The following ZFYVE28 variants were observed in gnomAD, a reference collection of about 807,000 sequenced individuals.
ZFYVE28 encodes the protein lateral signaling target protein 2 homolog.
A neutral mutation model predicts 82.1 loss-of-function variants in ZFYVE28; 40 were observed. The ratio of observed to expected loss-of-function variants is 0.49; its 90% CI spans 0.38 to 0.63. ZFYVE28 has a LOEUF of 0.63. Among genes scored for constraint, ZFYVE28 ranks in the 30% least tolerant of loss-of-function variants. The pLI is 0.00. For synonymous variants in ZFYVE28, 612 were observed against 546.1 expected (o/e 1.12, Z -1.68); for missense variants, 1,321 against 1,242.1 (o/e 1.06, Z -0.96).
rs1722350735 is a variant in ZFYVE28, at chr4:2,339,208, G to C, written c.521+245C>G. Among the ~76,000 whole-genome samples the C allele has an allele frequency of 6.6e-6, 1 of 152,076 alleles. No individual in the cohort carries two copies. The highest frequency in any genetic ancestry group is 2.1e-4 in the South Asian group (1 of 4,824). On this transcript the variant is annotated intron_variant, in intron 4 of 12. Coordinates refer to ENST00000290974, the MANE Select transcript of ZFYVE28 (RefSeq NM_020972.3). This position sits in a 1 kb window ranked among gnomAD's most constrained non-coding sequence, Gnocchi z 5.0. ...GGGCCTCTCCAAAGCCCTTCCCCTG[G>C]AGGCCCACGGCGGCCAGATCCACAC...
At chr4:2,273,378 A>G in intron 9 of ZFYVE28, 89 bp from the exon 10 acceptor site, 1 of 1,121,328 alleles carries the variant, frequency 8.9e-7, no homozygotes. Context: ...AGACCCAGCC[A>G]GAGCTCACAG....
rs529514997 is a variant in ZFYVE28 at position 2,297,851 on chromosome 4, C to T, written c.2051+6438G>A. On this transcript the variant is annotated intron_variant, in intron 8 of 12. Transcript: ENST00000290974. ...GTGACACGGTGACACAGTGACACGG[C>T]GGGCTGTGCTGGGAGGAACGGCAGA... Among the ~76,000 whole-genome samples the T allele has an allele frequency of 1.5e-3, 202 of 133,392 alleles. 1 individual carries two copies. The highest frequency in any genetic ancestry group is 5.6e-3 in the African/African-American group (191 of 34,082). 87.5% of individuals were successfully genotyped at this position (133,392 alleles called of 152,430 possible).
At chr4:2,402,845 A>ACCCATCCCTGCAGGGCCAAGCCTGC (rs1252124308) in intron 1 of ZFYVE28, among the ~76,000 whole-genome samples, 3 of 152,036 alleles carry the variant, frequency 2.0e-5, no homozygotes, top group Non-Finnish European at 2.9e-5. Context: ...GGCAGCACTG[A>ACCCATCCCTGCAGGGCCAAGCCTGC]CCCATCCCTG....
chr4:2,394,045 C>T lies in ZFYVE28; in HGVS notation c.39+24240G>A, dbSNP rs184084423. On this transcript the variant is annotated intron_variant, in intron 1 of 12. Coordinates refer to ENST00000290974, the MANE Select transcript of ZFYVE28 (RefSeq NM_020972.3). This position sits in a 1 kb window ranked among gnomAD's most constrained non-coding sequence, Gnocchi z 4.0. ...TTTTCCAGCTTGCACAGCTACTTCC[C>T]GACGCACGGCCGCCTCCCGGACCTT... 2.8e-4 allele frequency among the ~76,000 whole-genome samples: 43 copies of T among 152,254 alleles called. No individual in the cohort carries two copies. The highest frequency in any genetic ancestry group is 9.4e-4 in the African/African-American group (39 of 41,546).
chr4:2,387,567 G>A (rs553124851), intron 1 of ZFYVE28, among the ~76,000 whole-genome samples: 62 of 152,350 alleles, frequency 4.1e-4, no homozygotes, highest in African/African-American at 1.4e-3. Flanking sequence ...GAGCACAGAG[G>A]AGGCCTGGGC....
intron 5 of ZFYVE28, among the ~76,000 whole-genome samples, chr4:2,336,562 GC>G (rs60047777): frequency 0.34 from 52,169 of 151,460 alleles, 9,831 homozygotes; most frequent in Non-Finnish European, 0.43. Context: ...GCTTCCCCCT[GC>G]CCCCCCCACT....
intron 1 of ZFYVE28, among the ~76,000 whole-genome samples, chr4:2,370,733 G>A (rs933945563): frequency 2.6e-5 from 4 of 152,202 alleles, no homozygotes; most frequent in Admixed American, 1.3e-4. Flanking sequence ...GACGTGGCAA[G>A]GCCATGGGAC....
At chr4:2,351,116 G>A (rs1018114990) in intron 2 of ZFYVE28, among the ~76,000 whole-genome samples, 2 of 152,162 alleles carry the variant, frequency 1.3e-5, no homozygotes, top group African/African-American at 2.4e-5. Flanking sequence ...ATCTGAATGG[G>A]GGGCCGTCTT....
rs567983559 is a variant in ZFYVE28 at position 2,349,508 on chromosome 4, A to G, written c.180+4425T>C. On this transcript the variant is annotated intron_variant, in intron 2 of 12. Coordinates refer to ENST00000290974, the MANE Select transcript of ZFYVE28 (RefSeq NM_020972.3). ...ATTGTGCACATGTACCCTAAAACTT[A>G]AAGTATAATAATAAAAAAAATAAAA... Among the ~76,000 whole-genome samples, 3 of 152,320 alleles carry G rather than the reference A, an allele frequency of 2.0e-5. No homozygotes were observed. In the East Asian group the frequency reaches 5.8e-4, roughly 29 times the overall value.
In ZFYVE28 at chr4:2,300,852, A is replaced by AG. The variant is rs748339375; in HGVS notation, c.2051+3436dup. On this transcript the variant is annotated intron_variant, in intron 8 of 12. Transcript: ENST00000290974. The surrounding 1 kb of genome is among the most constrained non-coding windows in gnomAD (Gnocchi z 4.6). ...TCCACGCCACAACCACAGGGGCTGC[A>AG]GGGGCGTCTGCCGGGCGAGCGGGTC... is the stretch of plus-strand genomic sequence containing the variant. Among the ~76,000 whole-genome samples the AG allele has an allele frequency of 6.6e-6, 1 of 152,144 alleles. No individual in the cohort carries two copies. The highest frequency in any genetic ancestry group is 1.5e-5 in the Non-Finnish European group (1 of 68,010).
chr4:2,316,338 G>C (rs1162387452), intron 7 of ZFYVE28: 1 of 152,306 alleles, frequency 6.6e-6, no homozygotes, highest in Non-Finnish European at 1.5e-5. Context: ...CACTCCTTAA[G>C]CAACCTGGTG....
At chr4:2,279,093 A>G (rs1284729036) in intron 8 of ZFYVE28, among the ~76,000 whole-genome samples, 1 of 152,192 alleles carries the variant, frequency 6.6e-6, no homozygotes, top group African/African-American at 2.4e-5. Context: ...TATCTATATA[A>G]TGGAATAAGT....
chr4:2,291,784 T>C (rs1207999704), intron 8 of ZFYVE28, among the ~76,000 whole-genome samples: 1 of 152,130 alleles, frequency 6.6e-6, no homozygotes, highest in Non-Finnish European at 1.5e-5. Context: ...GCCTGGCTGG[T>C]GGAGGACATG....
At chr4:2,279,649 C>T (rs113932600) in intron 8 of ZFYVE28, among the ~76,000 whole-genome samples, 7,424 of 151,556 alleles carry the variant, frequency 0.049, 438 homozygotes, top group East Asian at 0.2. Context: ...GGCATGGTGG[C>T]GGGCGCCTGT....
At chr4:2,319,279 G>T (rs1229293699) in intron 7 of ZFYVE28, among the ~76,000 whole-genome samples, 1 of 152,182 alleles carries the variant, frequency 6.6e-6, no homozygotes, top group African/African-American at 2.4e-5. Flanking sequence ...CAGGAGGAAA[G>T]CAGCGACAGC....
chr4:2,314,405 T>C (rs1301612361), intron 7 of ZFYVE28, among the ~76,000 whole-genome samples: 1 of 152,260 alleles, frequency 6.6e-6, no homozygotes, highest in African/African-American at 2.4e-5. Context: ...ATGTAATCAC[T>C]GATGTGGTTG....
chr4:2,282,850 G>T (rs1187303802), intron 8 of ZFYVE28, among the ~76,000 whole-genome samples: 2 of 152,134 alleles, frequency 1.3e-5, no homozygotes, highest in African/African-American at 2.4e-5. Context: ...GGCTGAGGCA[G>T]GAGGATCCCC....
intron 5 of ZFYVE28, among the ~76,000 whole-genome samples, chr4:2,337,091 C>T (rs1721940071): frequency 6.6e-6 from 1 of 150,520 alleles, no homozygotes; most frequent in Admixed American, 6.6e-5. Context: ...ACGTCCAATC[C>T]ATCATGCCAG....
At chr4:2,324,994 C>A in intron 6 of ZFYVE28, 1 of 163,648 alleles carries the variant, frequency 6.1e-6, no homozygotes, top group East Asian at 1.4e-4. Context: ...ACAGTATGTT[C>A]AGCCTGATCA....
Sources: allele counts gnomAD v4.1 joint callset (sites outside exome capture counted in the v4.1 genomes callset), GRCh38; gene constraint gnomAD v4.1.1; non-coding constraint Gnocchi (gnomAD v3.1); transcripts MANE v1.5; gene names NCBI Gene and HGNC (gene_info 2026-07-23, HGNC 2026-07-21).